Variants in CSMD2 observed in about 807,000 individuals in gnomAD.
CSMD2 encodes CUB and Sushi multiple domains 2.
A neutral mutation model predicts 398.5 loss-of-function variants in CSMD2; 130 were observed. The ratio of observed to expected loss-of-function variants is 0.33; its 90% CI spans 0.28 to 0.38. CSMD2 has a LOEUF of 0.38. Ranked by LOEUF, CSMD2 falls within the 10% of genes least tolerant of loss-of-function variation. The pLI, the probability that CSMD2 is intolerant of heterozygous loss-of-function variation, is 1.00. For missense variants in CSMD2, 3,829 were observed against 4,764.9 expected, an observed-to-expected ratio of 0.80 and a Z score of 5.78; for synonymous variants, 1,828 against 1,908.5, an observed-to-expected ratio of 0.96 and a Z score of 1.10.
In CSMD2 at chr1:33,951,847, C is replaced by T. The variant is rs546186185; in HGVS notation, c.518-15893G>A. On this transcript the variant is annotated intron_variant, in intron 3 of 70. Transcript: ENST00000373381. ...ACACTCCTGCTCCTTCGTCACCTCT[C>T]CTTCTGTGATCTCTCCTTTGTGCCC... Among the ~76,000 whole-genome samples the T allele has an allele frequency of 2.3e-3, 349 of 152,370 alleles. 3 individuals are homozygous for T. The highest frequency in any genetic ancestry group is 7.8e-3 in the African/African-American group (325 of 41,584).
intron 25 of CSMD2, among the ~76,000 whole-genome samples, chr1:33,689,178 T>C (rs1645154612): frequency 6.6e-6 from 1 of 151,932 alleles, no homozygotes; most frequent in African/African-American, 2.4e-5. Flanking sequence ...CAGCTGTACG[T>C]GTGCATGCTA....
intron 13 of CSMD2, among the ~76,000 whole-genome samples, chr1:33,744,284 T>C (rs1055639120): frequency 5.9e-5 from 9 of 152,158 alleles, no homozygotes; most frequent in African/African-American, 9.7e-5. Flanking sequence ...GGACCATTTG[T>C]CTCCTTCAAA....
intron 14 of CSMD2, among the ~76,000 whole-genome samples, chr1:33,742,225 C>T (rs566635450): frequency 6.6e-6 from 1 of 152,344 alleles, no homozygotes; most frequent in South Asian, 2.1e-4. Context: ...CTTTACCTGG[C>T]TGGTCTCTTG....
intron 44 of CSMD2, chr1:33,599,812 C>A (rs993818668): frequency 8.6e-6 from 2 of 231,622 alleles, no homozygotes; most frequent in Non-Finnish European, 1.7e-5. Context: ...AGGTTCTTTA[C>A]ATCCTTGTTT....
chr1:33,642,644 G>A (rs986709793), intron 29 of CSMD2, among the ~76,000 whole-genome samples: 1 of 152,102 alleles, frequency 6.6e-6, no homozygotes, highest in Non-Finnish European at 1.5e-5. Flanking sequence ...GCTTTTTTGT[G>A]TCAGAGTTAT....
chr1:34,071,325 T>C (rs1011234471), intron 2 of CSMD2, among the ~76,000 whole-genome samples: 1 of 152,256 alleles, frequency 6.6e-6, no homozygotes, highest in East Asian at 1.9e-4. Flanking sequence ...CTGTCTACAG[T>C]GTCTTTACCA....
chr1:33,759,327 T>TC (rs1553196461), intron 13 of CSMD2, among the ~76,000 whole-genome samples: 27 of 134,120 alleles, frequency 2.0e-4, no homozygotes, highest in African/African-American at 3.6e-4. Flanking sequence ...TTTTTTTCTT[T>TC]TTTTTTTTTT....
intron 22 of CSMD2, among the ~76,000 whole-genome samples, chr1:33,708,471 A>G (rs1645876924): frequency 2.0e-5 from 3 of 152,180 alleles, no homozygotes; most frequent in Non-Finnish European, 4.4e-5. Context: ...CCATAAATAC[A>G]TAGCTACACA....
chr1:33,628,420 A>G lies in CSMD2; in HGVS notation c.5201-1839T>C, dbSNP rs148609017. On this transcript the variant is annotated intron_variant, in intron 32 of 70. Coordinates refer to ENST00000373381, the MANE Select transcript of CSMD2 (RefSeq NM_001281956.2). ...GAAGTAGCTCACATCTGTGATCCCA[A>G]CACTTTGGGAGGCTGAGGCGGGCGG... Among the ~76,000 whole-genome samples, 496 of 152,254 alleles carry G rather than the reference A, an allele frequency of 3.3e-3. 4 individuals are homozygous for G. The highest frequency in any genetic ancestry group is 0.011 in the African/African-American group (475 of 41,566).
chr1:33,806,209 C>T (rs1656212155), intron 10 of CSMD2, among the ~76,000 whole-genome samples: 1 of 152,292 alleles, frequency 6.6e-6, no homozygotes, highest in African/African-American at 2.4e-5. Context: ...CTGTCACTAC[C>T]ACCCTCTGGG....
At chr1:34,108,656 G>A (rs944176492) in intron 1 of CSMD2, among the ~76,000 whole-genome samples, 1 of 152,218 alleles carries the variant, frequency 6.6e-6, no homozygotes, top group Admixed American at 6.5e-5. Context: ...AAGAGAATTG[G>A]TGAGATAAAG....
intron 25 of CSMD2, among the ~76,000 whole-genome samples, chr1:33,691,549 GTTC>G (rs1377323676): frequency 6.6e-6 from 1 of 152,170 alleles, no homozygotes; most frequent in Non-Finnish European, 1.5e-5. Context: ...CATTCAGCCA[GTTC>G]TTCTTAATTG....
intron 13 of CSMD2, among the ~76,000 whole-genome samples, chr1:33,745,782 G>A (rs1647299705): frequency 6.6e-6 from 1 of 152,068 alleles, no homozygotes; most frequent in African/African-American, 2.4e-5. Flanking sequence ...ACATGAAAAG[G>A]CTTTTAGGTA....
intron 1 of CSMD2, among the ~76,000 whole-genome samples, chr1:34,160,654 G>GA (rs1215048238): frequency 6.6e-6 from 1 of 152,196 alleles, no homozygotes; most frequent in Non-Finnish European, 1.5e-5. Flanking sequence ...ACCTGAGCTG[G>GA]ATATGGGGAT....
At chr1:34,090,192 T>C (rs1247059125) in intron 1 of CSMD2, among the ~76,000 whole-genome samples, 2 of 152,162 alleles carry the variant, frequency 1.3e-5, no homozygotes, top group African/African-American at 4.8e-5. Flanking sequence ...CTGGGGAATC[T>C]GTCTCAAATG....
chr1:33,597,171 C>T (rs1032701309), intron 44 of CSMD2, among the ~76,000 whole-genome samples: 1 of 152,004 alleles, frequency 6.6e-6, no homozygotes, highest in Non-Finnish European at 1.5e-5. Context: ...TATTGATCCT[C>T]ATATGAAAAG....
Position 33,537,515 on chromosome 1 carries a change from G to A in CSMD2, c.9726C>T (p.Pro3242=). 1 of 1,614,140 alleles carries A rather than the reference G, an allele frequency of 6.2e-7. No homozygotes were observed. Among genetic ancestry groups the A allele is most frequent in the Non-Finnish European group, 8.5e-7 (1 of 1,179,988 alleles). Residue 3242 remains proline (P), a synonymous_variant, in exon 61 of 71, where the codon CCC becomes CCT. Transcript: ENST00000373381. The surrounding 1 kb of genome is among the most constrained non-coding windows in gnomAD (Gnocchi z 4.6). ...YRSSVSFSCH[P]PLVLVGSPRR... ...GTGGAGAGCCCACCAGCACCAGAGGGGGATGGCAGGAGAAGGAGACAGATG... is the reference window on the plus strand; with the variant it reads ...GTGGAGAGCCCACCAGCACCAGAGGAGGATGGCAGGAGAAGGAGACAGATG...
chr1:33,769,555 A>G (rs887247488), intron 13 of CSMD2, among the ~76,000 whole-genome samples: 4 of 152,184 alleles, frequency 2.6e-5, no homozygotes, highest in Admixed American at 2.6e-4. Context: ...CTATCTATTG[A>G]GCATCTACTA....
At chr1:33,661,853 A>C (rs1405627625) in intron 26 of CSMD2, among the ~76,000 whole-genome samples, 1 of 152,200 alleles carries the variant, frequency 6.6e-6, no homozygotes, top group Non-Finnish European at 1.5e-5. Context: ...TGATACACCA[A>C]CTGGGAAAGA....
Sources: allele counts gnomAD v4.1 joint callset (sites outside exome capture counted in the v4.1 genomes callset), GRCh38; gene constraint gnomAD v4.1.1; non-coding constraint Gnocchi (gnomAD v3.1); transcripts MANE v1.5; gene names NCBI Gene and HGNC (gene_info 2026-07-23, HGNC 2026-07-21).